The following PROX1 variants were observed in gnomAD, a reference collection of about 807,000 sequenced individuals.
The protein encoded by PROX1 is prospero homeobox protein 1.
Under a neutral mutation model 58.8 loss-of-function variants are expected in PROX1, and 7 were observed. The ratio of observed to expected loss-of-function variants is 0.12; its 90% CI spans 0.07 to 0.22. The LOEUF (loss-of-function observed/expected upper bound fraction) is 0.22, where lower values mean the gene tolerates loss of function less well. PROX1 is among the 10% of genes least tolerant of loss of function. The probability of loss-of-function intolerance (pLI) is 1.00; values close to 1 mark genes in which losing one functional copy is unlikely to be tolerated. For synonymous variants in PROX1, 350 were observed against 358.3 expected (o/e 0.98, Z 0.26); for missense variants, 675 against 927.8 (o/e 0.73, Z 3.54).
chr1:213,997,736 A>G lies in PROX1; in HGVS notation c.1201A>G (p.Asn401Asp). 3 of 1,614,056 alleles carry G rather than the reference A, an allele frequency of 1.9e-6. No homozygotes were observed. The highest frequency in any genetic ancestry group is 1.7e-6 in the Non-Finnish European group (2 of 1,180,002). The change falls in exon 2 of 5, where the codon AAT becomes GAT. Residue 401 changes from asparagine to aspartate, a missense_variant. Physicochemically the swap from Asn to Asp is conservative, Grantham distance 23. This residue lies in a region of PROX1 where 403 missense variants were observed against 477.4 expected (regional missense o/e 0.84). Transcript: ENST00000366958. The surrounding 1 kb of genome is among the most constrained non-coding windows in gnomAD (Gnocchi z 7.1). ...ARFAVNGENH[N>D]FHTANQRLQC... is the part of the protein sequence containing the mutation. The stretch of plus-strand genomic sequence containing the variant: ...ATTTGCAGTCAATGGGGAAAACCAC[A>G]ATTTCCACACCGCCAACCAGCGCCT...
At chr1:214,013,890 A>G (rs1664004110) in intron 4 of PROX1, among the ~76,000 whole-genome samples, 1 of 152,110 alleles carries the variant, frequency 6.6e-6, no homozygotes, top group African/African-American at 2.4e-5. Flanking sequence ...ACTATTCTGG[A>G]TCTGATTCCT....
At chr1:214,007,072 G>A (rs981916708) in intron 3 of PROX1, among the ~76,000 whole-genome samples, 4 of 152,202 alleles carry the variant, frequency 2.6e-5, no homozygotes, top group African/African-American at 9.7e-5. Flanking sequence ...GCGTGCATGT[G>A]TGTGGTGTGT....
chr1:213,985,306 A>G (rs558768263), upstream of PROX1: 2 of 152,240 alleles, frequency 1.3e-5, no homozygotes, highest in African/African-American at 2.4e-5. Context: ...TCGGGCCTCA[A>G]GTCTTGTCCA....
At chr1:214,031,837 T>C (rs1304598501) in intron 4 of PROX1, among the ~76,000 whole-genome samples, 6 of 152,178 alleles carry the variant, frequency 3.9e-5, no homozygotes, top group African/African-American at 7.2e-5. Flanking sequence ...CCATGGGTGA[T>C]GTTTCTATGT....
chr1:214,006,461 T>C (rs1227311986), intron 3 of PROX1, among the ~76,000 whole-genome samples: 1 of 152,200 alleles, frequency 6.6e-6, no homozygotes, highest in Non-Finnish European at 1.5e-5. Flanking sequence ...GAAGGCTTGT[T>C]TTCTCCTTGT....
At chr1:213,987,107 A>ACATATATAT (rs1247388843), upstream of PROX1, among the ~76,000 whole-genome samples, 5 of 152,170 alleles carry the variant, frequency 3.3e-5, no homozygotes, top group African/African-American at 1.2e-4. Context: ...GATGTTTGCA[A>ACATATATAT]CATATATATT....
chr1:214,041,397 G>T lies in PROX1; in HGVS notation c.*5563G>T, dbSNP rs1041740114. The T allele has an allele frequency of 6.6e-6, 1 of 151,762 alleles. No homozygotes were observed. Among genetic ancestry groups the T allele is most frequent in the Admixed American group, 6.6e-5 (1 of 15,234 alleles). The allele number at this position is 151,762 out of a possible 1,614,324, so 9.4% of individuals were successfully genotyped here. On this transcript the variant is annotated 3_prime_UTR_variant, in exon 5 of 5. Coordinates refer to ENST00000366958, the MANE Select transcript of PROX1 (RefSeq NM_001270616.2). ...ATTCTTCATTCTGTTAGCCTAACGT[G>T]CAGCTCCTAGAAACAACCTCTTTTA...
chr1:214,022,061 C>A (rs1260174067), intron 4 of PROX1, among the ~76,000 whole-genome samples: 5 of 152,152 alleles, frequency 3.3e-5, no homozygotes, highest in African/African-American at 4.8e-5. Context: ...TATAAAACAT[C>A]CCCTTGAAAT....
intron 4 of PROX1, among the ~76,000 whole-genome samples, chr1:214,013,565 A>C (rs1181878353): frequency 4.0e-5 from 1 of 25,292 alleles, no homozygotes; most frequent in Non-Finnish European, 8.1e-5. Flanking sequence ...TAAAGTGCGC[A>C]CGAGGGTTTT....
intron 3 of PROX1, among the ~76,000 whole-genome samples, chr1:214,010,543 G>A (rs916033656): frequency 6.6e-6 from 1 of 151,958 alleles, no homozygotes; most frequent in African/African-American, 2.4e-5. Context: ...AAAAGGCAGG[G>A]GGTTGTCTGT....
intron 1 of PROX1, among the ~76,000 whole-genome samples, chr1:213,992,818 G>A (rs368747702): frequency 2.0e-5 from 3 of 152,078 alleles, no homozygotes; most frequent in Non-Finnish European, 2.9e-5. Context: ...CCTCCTCCCC[G>A]AAATAACTTC....
chr1:214,011,987 G>T (rs375321488), intron 4 of PROX1, among the ~76,000 whole-genome samples: 5 of 152,108 alleles, frequency 3.3e-5, no homozygotes, highest in East Asian at 3.9e-4. Context: ...AGAATCCAAA[G>T]AAAAATGGCA....
At chr1:213,992,507 T>C (rs914778710) in intron 1 of PROX1, among the ~76,000 whole-genome samples, 8 of 152,150 alleles carry the variant, frequency 5.3e-5, no homozygotes, top group African/African-American at 1.9e-4. Flanking sequence ...TCCAGATTGA[T>C]TTGAAATATT....
In PROX1 at chr1:214,037,361, G is replaced by A. The variant is rs530462170; in HGVS notation, c.*1527G>A. 6.6e-6 allele frequency: 1 copy of A among 152,146 alleles called. No individual in the cohort carries two copies. The highest frequency in any genetic ancestry group is 1.9e-4 in the East Asian group (1 of 5,188). The allele number at this position is 152,146 out of a possible 1,614,324, so 9.4% of individuals were successfully genotyped here. A position where few individuals can be genotyped will look rare whatever the true frequency, so the allele number is the denominator to read the frequency against. ...CTAAAATGACACAGTAACAAATCTG[G>A]TATTTAGAACATATAGAACATAAAT... On this transcript the variant is annotated 3_prime_UTR_variant, in exon 5 of 5. Coordinates refer to ENST00000366958, the MANE Select transcript of PROX1 (RefSeq NM_001270616.2).
rs114967951 is a variant in PROX1, at chr1:214,011,789, C to T, written c.2028+74C>T. ...AAAATTTATTTTCTTTAGAAATGTA[C>T]CCAAATCTGTTTTTGTGTTGGTTTC... On this transcript the variant is annotated intron_variant, in intron 4 of 4. Transcript: ENST00000366958. 4.6e-6 allele frequency: 6 copies of T among 1,304,602 alleles called. No homozygotes were observed. The Admixed American group carries it at 1.4e-4, about 31-fold the overall frequency. The allele number at this position is 1,304,602 out of a possible 1,614,324, so 80.8% of individuals were successfully genotyped here. A position where few individuals can be genotyped will look rare whatever the true frequency, so the allele number is the denominator to read the frequency against.
chr1:214,013,699 A>T (rs1262149740), intron 4 of PROX1, among the ~76,000 whole-genome samples: 1 of 152,168 alleles, frequency 6.6e-6, no homozygotes, highest in African/African-American at 2.4e-5. Context: ...ATTTAGCATC[A>T]TCTAAATCCT....
intron 4 of PROX1, among the ~76,000 whole-genome samples, chr1:214,025,409 G>A (rs1194906602): frequency 6.6e-6 from 1 of 152,218 alleles, no homozygotes; most frequent in Non-Finnish European, 1.5e-5. Context: ...GGCAAAGTAT[G>A]GCCTATGGGC....
At chr1:214,020,732 A>G (rs1327925056) in intron 4 of PROX1, among the ~76,000 whole-genome samples, 1 of 152,240 alleles carries the variant, frequency 6.6e-6, no homozygotes, top group East Asian at 1.9e-4. Context: ...TAAATTCTCT[A>G]ACTACTGCAA....
At chr1:213,987,407 C>G (rs1662849847), upstream of PROX1, 1 of 150,746 alleles carries the variant, frequency 6.6e-6, no homozygotes, top group Non-Finnish European at 1.5e-5. Context: ...AGATCCCCCC[C>G]TCCCTCCTCC....
Sources: allele counts gnomAD v4.1 joint callset (sites outside exome capture counted in the v4.1 genomes callset), GRCh38; gene constraint gnomAD v4.1.1; regional missense constraint gnomAD v4.1.1; non-coding constraint Gnocchi (gnomAD v3.1); transcripts MANE v1.5; gene names NCBI Gene and HGNC (gene_info 2026-07-23, HGNC 2026-07-21).